The following CDH12 variants were observed in gnomAD, a reference collection of about 807,000 sequenced individuals.
The protein encoded by CDH12 is cadherin-12.
CDH12 carries 41 observed loss-of-function variants against 74.1 expected under a neutral mutation model. That is an observed-to-expected ratio of 0.55 (90% CI 0.43 to 0.72). The LOEUF is 0.72. Among genes scored for constraint, CDH12 ranks in the 30% least tolerant of loss-of-function variants. CDH12 has a pLI of 0.00. For synonymous variants in CDH12, 399 were observed against 355.0 expected (o/e 1.12, Z -1.39); for missense variants, 945 against 977.2 (o/e 0.97, Z 0.44).
chr5:22,525,836 A>C (rs1407542477), intron 1 of CDH12, among the ~76,000 whole-genome samples: 1 of 152,180 alleles, frequency 6.6e-6, no homozygotes, highest in African/African-American at 2.4e-5. Flanking sequence ...TATGAGCATA[A>C]CTACCTATGT....
chr5:22,409,647 A>G (rs909675536), intron 2 of CDH12, among the ~76,000 whole-genome samples: 2 of 152,124 alleles, frequency 1.3e-5, no homozygotes, highest in Non-Finnish European at 2.9e-5. Flanking sequence ...TTTCTTCTAT[A>G]TTATAATTGA....
intron 1 of CDH12, among the ~76,000 whole-genome samples, chr5:22,706,480 T>C (rs1743015786): frequency 6.6e-6 from 1 of 152,056 alleles, no homozygotes; most frequent in Admixed American, 6.6e-5. Flanking sequence ...TTTGGTATGT[T>C]ACATTTATTT....
rs751175334 is a variant in CDH12, at chr5:21,755,571, T to C, written c.1885+20A>G. ...AGAGAGAGCGAGAAAAAATTAACAATGATTAATATTGAAACCAACCTAAGA... is the reference window on the plus strand; with the variant it reads ...AGAGAGAGCGAGAAAAAATTAACAACGATTAATATTGAAACCAACCTAAGA... On this transcript the variant is annotated intron_variant, in intron 14 of 14. Coordinates refer to ENST00000382254, the MANE Select transcript of CDH12 (RefSeq NM_004061.5). 5 of 1,598,422 alleles carry C rather than the reference T, an allele frequency of 3.1e-6. No individual in the cohort carries two copies. Among genetic ancestry groups the C allele is most frequent in the Non-Finnish European group, 4.3e-6 (5 of 1,167,832 alleles).
At position 22,794,727 on chromosome 5, in the gene CDH12, C is replaced by T. The variant is rs72748750; in HGVS notation, c.-523+58331G>A. Among the ~76,000 whole-genome samples the T allele has an allele frequency of 3.3e-5, 5 of 152,138 alleles. No individual in the cohort carries two copies. The East Asian group carries it at 9.7e-4, about 29-fold the overall frequency. On this transcript the variant is annotated intron_variant, in intron 1 of 14. Transcript: ENST00000382254. ...ATGCAGAGGTGTCCATGTCCTAATC[C>T]CTGAAACCTGTGAATATATTATCTT...
intron 3 of CDH12, among the ~76,000 whole-genome samples, chr5:22,381,027 C>T (rs1293073572): frequency 6.6e-6 from 1 of 151,898 alleles, no homozygotes; most frequent in Non-Finnish European, 1.5e-5. Flanking sequence ...ATTTTTTTCT[C>T]TCTGTGATAA....
At chr5:22,459,177 T>C (rs1187116803) in intron 2 of CDH12, among the ~76,000 whole-genome samples, 1 of 152,120 alleles carries the variant, frequency 6.6e-6, no homozygotes, top group African/African-American at 2.4e-5. Flanking sequence ...GTTTTTCATC[T>C]TAAAAAGACA....
chr5:22,534,443 A>G (rs184126868), intron 1 of CDH12, among the ~76,000 whole-genome samples: 60 of 152,274 alleles, frequency 3.9e-4, no homozygotes, highest in African/African-American at 1.4e-3. Context: ...GAGTGAGAAC[A>G]TAAGATGTTT....
At chr5:22,672,601 G>A (rs1419760100) in intron 1 of CDH12, among the ~76,000 whole-genome samples, 1 of 152,006 alleles carries the variant, frequency 6.6e-6, no homozygotes, top group Non-Finnish European at 1.5e-5. Context: ...CATGCTCTTG[G>A]ACTTCTCAGC....
intron 1 of CDH12, among the ~76,000 whole-genome samples, chr5:22,769,654 A>G (rs1340782190): frequency 6.6e-6 from 1 of 151,966 alleles, no homozygotes; most frequent in African/African-American, 2.4e-5. Context: ...GGAAACCCCT[A>G]ATACACCCCC....
intron 2 of CDH12, among the ~76,000 whole-genome samples, chr5:22,422,264 T>C (rs1743684276): frequency 6.6e-6 from 1 of 152,148 alleles, no homozygotes; most frequent in South Asian, 2.1e-4. Context: ...TAGGTTCCAT[T>C]AATACCTAGT....
chr5:22,159,335 G>GT (rs1304894781), intron 4 of CDH12, among the ~76,000 whole-genome samples: 1 of 152,038 alleles, frequency 6.6e-6, no homozygotes, highest in East Asian at 1.9e-4. Context: ...AAAATGAATA[G>GT]TTTTCTCCAA....
intron 4 of CDH12, among the ~76,000 whole-genome samples, chr5:22,120,689 TG>T (rs1310320725): frequency 6.6e-6 from 1 of 152,176 alleles, no homozygotes; most frequent in Non-Finnish European, 1.5e-5. Context: ...ATTTGGCATT[TG>T]TTTTTGACAT....
At chr5:22,190,051 A>G (rs544275228) in intron 4 of CDH12, among the ~76,000 whole-genome samples, 2 of 152,184 alleles carry the variant, frequency 1.3e-5, no homozygotes, top group East Asian at 3.9e-4. Flanking sequence ...TAATTGGGCC[A>G]ACAGAGTTGC....
intron 5 of CDH12, among the ~76,000 whole-genome samples, chr5:21,978,205 G>C (rs531124229): frequency 2.0e-5 from 3 of 152,058 alleles, no homozygotes; most frequent in Non-Finnish European, 2.9e-5. Flanking sequence ...GCAGTGGCGT[G>C]ATCTCGGCTC....
chr5:21,860,860 C>A (rs1751008434), intron 6 of CDH12, among the ~76,000 whole-genome samples: 1 of 151,748 alleles, frequency 6.6e-6, no homozygotes, highest in Non-Finnish European at 1.5e-5. Flanking sequence ...CTTCCTTGCT[C>A]TTTATCTTGC....
chr5:21,868,489 G>A (rs943088000), intron 6 of CDH12, among the ~76,000 whole-genome samples: 13 of 152,188 alleles, frequency 8.5e-5, no homozygotes, highest in African/African-American at 2.9e-4. Flanking sequence ...GCCCAGCAAA[G>A]TCATAGGAGT....
chr5:21,882,594 G>A (rs1487977224), intron 6 of CDH12: 20 of 1,594,174 alleles, frequency 1.3e-5, no homozygotes, highest in Admixed American at 1.7e-5. Flanking sequence ...GAAATGCTTC[G>A]GTTACCCACA....
At chr5:22,252,785 C>T (rs538152609) in intron 3 of CDH12, among the ~76,000 whole-genome samples, 1 of 151,932 alleles carries the variant, frequency 6.6e-6, no homozygotes, top group Admixed American at 6.6e-5. Context: ...GTAAATCTTC[C>T]GATCTATGAA....
At chr5:22,849,476 C>T (rs540617385) in intron 1 of CDH12, among the ~76,000 whole-genome samples, 2 of 152,184 alleles carry the variant, frequency 1.3e-5, no homozygotes, top group South Asian at 2.1e-4. Context: ...TAGCATCGTG[C>T]TTTGCCGGTA....
Sources: gnomAD v4.1 joint callset for allele counts (sites outside exome capture counted in the v4.1 genomes callset) on GRCh38, gnomAD v4.1.1 for gene constraint, MANE v1.5 for transcripts, NCBI Gene and HGNC (gene_info 2026-07-23, HGNC 2026-07-21) for gene names.